DLGAP2: variants seen among roughly 807,000 people sequenced by gnomAD.
The protein encoded by DLGAP2 is DLG associated protein 2.
DLGAP2 carries 26 observed loss-of-function variants against 100.3 expected under a neutral mutation model. That is an observed-to-expected ratio of 0.26 (90% CI 0.19 to 0.36). DLGAP2 has a LOEUF of 0.36. Among genes scored for constraint, DLGAP2 ranks in the 10% least tolerant of loss-of-function variants. The pLI is 1.00. For synonymous variants in DLGAP2, 886 were observed against 630.1 expected (o/e 1.41, Z -6.08); for missense variants, 1,858 against 1,453.2 (o/e 1.28, Z -4.53).
intron 2 of DLGAP2, among the ~76,000 whole-genome samples, chr8:953,408 G>A (rs1362130209): frequency 1.3e-5 from 2 of 152,106 alleles, no homozygotes; most frequent in Admixed American, 6.5e-5. Context: ...TGGCCAGGCT[G>A]GTCTTGAACT....
chr8:906,693 G>A (rs1798387723), intron 1 of DLGAP2, among the ~76,000 whole-genome samples: 1 of 152,210 alleles, frequency 6.6e-6, no homozygotes, highest in Admixed American at 6.5e-5. Flanking sequence ...GTTATCACAA[G>A]GCTTAGCGCC....
intron 2 of DLGAP2, among the ~76,000 whole-genome samples, chr8:1,130,147 T>G (rs1796259765): frequency 6.6e-6 from 1 of 150,964 alleles, no homozygotes; most frequent in African/African-American, 2.4e-5. Context: ...TTATATGAGA[T>G]GATGCAAAGA....
At chr8:1,215,111 T>A (rs961829334) in intron 2 of DLGAP2, among the ~76,000 whole-genome samples, 4 of 152,160 alleles carry the variant, frequency 2.6e-5, no homozygotes, top group African/African-American at 4.8e-5. Context: ...TGAGGAACTT[T>A]GGGGCACTAA....
chr8:1,515,116 C>T (rs1228740703), intron 4 of DLGAP2, among the ~76,000 whole-genome samples: 1 of 152,098 alleles, frequency 6.6e-6, no homozygotes, highest in East Asian at 1.9e-4. Context: ...GGGATGGATG[C>T]ATCCAACCAA....
chr8:1,272,168 T>C (rs1799597174), intron 3 of DLGAP2, among the ~76,000 whole-genome samples: 1 of 152,194 alleles, frequency 6.6e-6, no homozygotes, highest in Admixed American at 6.5e-5. Context: ...AGAAAGTTGA[T>C]GTAATCACAT....
chr8:1,338,723 A>G (rs1388619356), intron 3 of DLGAP2, among the ~76,000 whole-genome samples: 1 of 152,220 alleles, frequency 6.6e-6, no homozygotes. Context: ...TAATGGGGAG[A>G]GAGTGAGCCC....
chr8:1,087,761 A>G (rs1047639717), intron 2 of DLGAP2, among the ~76,000 whole-genome samples: 1 of 152,204 alleles, frequency 6.6e-6, no homozygotes, highest in Non-Finnish European at 1.5e-5. Context: ...GTTATCACTA[A>G]CAACCCATGT....
intron 2 of DLGAP2, chr8:1,250,325 T>G (rs1017045499): frequency 6.6e-6 from 1 of 152,230 alleles, no homozygotes; most frequent in African/African-American, 2.4e-5. Flanking sequence ...CTCCAGTGCC[T>G]GGGTCTGCAC....
chr8:871,179 C>T (rs1355528244), intron 1 of DLGAP2, among the ~76,000 whole-genome samples: 1 of 152,226 alleles, frequency 6.6e-6, no homozygotes, highest in Admixed American at 6.5e-5. Flanking sequence ...GCCCAGCCTG[C>T]ACCCCTTCCC....
chr8:1,408,316 T>C (rs2129864939), intron 3 of DLGAP2, among the ~76,000 whole-genome samples: 1 of 152,244 alleles, frequency 6.6e-6, no homozygotes, highest in South Asian at 2.1e-4. Context: ...CTCTCCAGAG[T>C]GTCCGAGGGT....
chr8:1,564,877 T>C (rs1802335010), intron 5 of DLGAP2, among the ~76,000 whole-genome samples: 1 of 151,792 alleles, frequency 6.6e-6, no homozygotes. Flanking sequence ...ATATGTAACA[T>C]TCATGGTTGC....
chr8:1,098,731 C>G (rs1356046804), intron 2 of DLGAP2, among the ~76,000 whole-genome samples: 139 of 119,194 alleles, frequency 1.2e-3, no homozygotes, highest in East Asian at 3.6e-3. Flanking sequence ...CGGGCGCCGC[C>G]ACCCACGCCA....
chr8:1,169,612 G>T (rs1166492565), intron 2 of DLGAP2, among the ~76,000 whole-genome samples: 1 of 152,172 alleles, frequency 6.6e-6, no homozygotes, highest in African/African-American at 2.4e-5. Context: ...CTTGTAAGCT[G>T]CATTCCTAGG....
At chr8:1,634,707 T>C (rs1797728127) in intron 8 of DLGAP2, among the ~76,000 whole-genome samples, 1 of 152,234 alleles carries the variant, frequency 6.6e-6, no homozygotes, top group African/African-American at 2.4e-5. Context: ...TTAAGAACTT[T>C]CATAGTCTTC....
At chr8:1,372,488 T>C (rs1031731597) in intron 3 of DLGAP2, among the ~76,000 whole-genome samples, 8 of 152,148 alleles carry the variant, frequency 5.3e-5, no homozygotes, top group African/African-American at 1.9e-4. Flanking sequence ...CCCTCAGCTC[T>C]CCTGACGTCC....
intron 2 of DLGAP2, among the ~76,000 whole-genome samples, chr8:1,104,587 G>T (rs1025697553): frequency 6.6e-6 from 1 of 152,154 alleles, no homozygotes; most frequent in Non-Finnish European, 1.5e-5. Context: ...TAGCCTGGCC[G>T]AGGCGTTTGC....
intron 2 of DLGAP2, among the ~76,000 whole-genome samples, chr8:1,165,519 G>C (rs1456003265): frequency 6.6e-6 from 1 of 152,184 alleles, no homozygotes; most frequent in Non-Finnish European, 1.5e-5. Context: ...TCATCAGATG[G>C]TGATTTGCAT....
intron 1 of DLGAP2, among the ~76,000 whole-genome samples, chr8:817,525 G>T (rs1044083199): frequency 2.0e-5 from 3 of 152,184 alleles, no homozygotes; most frequent in African/African-American, 7.2e-5. Flanking sequence ...TCTTTTGGGG[G>T]TGGTAAATAA....
chr8:1,649,560 G>T (rs1412596662), intron 8 of DLGAP2, among the ~76,000 whole-genome samples: 4 of 152,166 alleles, frequency 2.6e-5, no homozygotes. Flanking sequence ...TTGGTCTATG[G>T]TTTTAGGTAC....
Sources: gnomAD v4.1 joint callset for allele counts (sites outside exome capture counted in the v4.1 genomes callset) on GRCh38, gnomAD v4.1.1 for gene constraint, MANE v1.5 for transcripts, NCBI Gene and HGNC (gene_info 2026-07-23, HGNC 2026-07-21) for gene names.